Variants in ANXA13 observed in about 807,000 individuals in gnomAD.
ANXA13 encodes annexin A13.
In ANXA13, 36 loss-of-function variants were observed where a neutral mutation model predicts 46.6. That is an observed-to-expected ratio of 0.77 (90% CI 0.59 to 1.02). The LOEUF (loss-of-function observed/expected upper bound fraction) is 1.02, where lower values mean the gene tolerates loss of function less well. Among genes scored for constraint, ANXA13 ranks in the 50% least tolerant of loss-of-function variants. ANXA13 has a pLI of 0.00. For synonymous variants in ANXA13, 163 were observed against 152.9 expected (o/e 1.07, Z -0.49); for missense variants, 417 against 396.5 (o/e 1.05, Z -0.44).
Position 123,695,568 on chromosome 8 carries a change from G to A in ANXA13, c.405C>T (p.Ser135=), listed in dbSNP as rs556868657. 36 of 1,613,790 alleles carry A rather than the reference G, an allele frequency of 2.2e-5. No individual in the cohort carries two copies. In the South Asian group the frequency reaches 3.1e-4, roughly 14 times the overall value. The change falls in exon 6 of 11, where the codon AGC becomes AGT. Residue 135 remains serine, a synonymous_variant. Transcript: ENST00000419625. ...TATCACCTTTGACATCTGATTCGAG[G>A]CTCCTATCAAATACTTCGAAGGAAG... is the stretch of plus-strand genomic sequence containing the variant. ...KEAYQRLFDR[S]LESDVKGDTS... is the part of the protein sequence containing the mutation.
At chr8:123,703,987 A>T (rs1406509179) in intron 2 of ANXA13, among the ~76,000 whole-genome samples, 1 of 152,184 alleles carries the variant, frequency 6.6e-6, no homozygotes, top group African/African-American at 2.4e-5. Flanking sequence ...ACATTGGGCA[A>T]GTGATTTTTC....
intron 9 of ANXA13, among the ~76,000 whole-genome samples, chr8:123,686,085 A>G (rs1451505930): frequency 6.6e-6 from 1 of 152,110 alleles, no homozygotes; most frequent in African/African-American, 2.4e-5. Context: ...TCTCCTGTCT[A>G]TAATCTATGC....
chr8:123,692,010 C>A (rs757122579), intron 8 of ANXA13, among the ~76,000 whole-genome samples: 4 of 152,220 alleles, frequency 2.6e-5, no homozygotes, highest in Admixed American at 2.6e-4. Context: ...CAGGGGAGTG[C>A]AGGGTCAGCT....
intron 3 of ANXA13, among the ~76,000 whole-genome samples, chr8:123,700,691 C>T (rs1279618025): frequency 6.6e-6 from 1 of 152,076 alleles, no homozygotes; most frequent in African/African-American, 2.4e-5. Context: ...AGCATTGTAT[C>T]CGATTTTTCT....
intron 6 of ANXA13, among the ~76,000 whole-genome samples, chr8:123,694,146 G>A (rs888744523): frequency 2.6e-5 from 4 of 152,154 alleles, no homozygotes; most frequent in African/African-American, 9.7e-5. Context: ...AAAACCCTGA[G>A]AGCTGGTCAT....
At chr8:123,717,604 A>G (rs1429731027) in intron 1 of ANXA13, among the ~76,000 whole-genome samples, 1 of 152,230 alleles carries the variant, frequency 6.6e-6, no homozygotes, top group African/African-American at 2.4e-5. Flanking sequence ...TGGCCACTGA[A>G]AATATAATAG....
At position 123,681,271 on chromosome 8, in the gene ANXA13, A is replaced by AAGTCCCCGG; in HGVS notation, c.911_919dup (p.Ser304_Asp306dup). On this transcript the variant is annotated inframe_insertion, in exon 11 of 11. Coordinates refer to ENST00000419625, the MANE Select transcript of ANXA13 (RefSeq NM_004306.4). ...CAAGAGGGCTACTAGCAGTTTCCGG[A>AAGTCCCCGG]AGTCCCCGGAGGTATCTGAGCGAAC... 1 of 1,614,030 alleles carries AAGTCCCCGG rather than the reference A, an allele frequency of 6.2e-7. No homozygotes were observed. The highest frequency in any genetic ancestry group is 8.5e-7 in the Non-Finnish European group (1 of 1,179,944).
At chr8:123,701,267 T>A (rs1397388158) in intron 3 of ANXA13, among the ~76,000 whole-genome samples, 1 of 152,138 alleles carries the variant, frequency 6.6e-6, no homozygotes, top group Non-Finnish European at 1.5e-5. Context: ...GTCAGGAGTT[T>A]GAGACTAGCC....
intron 2 of ANXA13, among the ~76,000 whole-genome samples, chr8:123,708,029 C>T (rs374054593): frequency 6.6e-5 from 10 of 151,992 alleles, no homozygotes; most frequent in Admixed American, 2.0e-4. Context: ...CAGGTTGATC[C>T]GGGGGGTGTT....
At chr8:123,685,258 G>A (rs576720897) in intron 9 of ANXA13, among the ~76,000 whole-genome samples, 8 of 152,288 alleles carry the variant, frequency 5.3e-5, no homozygotes, top group East Asian at 1.9e-4. Flanking sequence ...TTTGCAATCC[G>A]GGATGTGGAC....
At chr8:123,685,065 G>A (rs759159979) in intron 9 of ANXA13, among the ~76,000 whole-genome samples, 4 of 152,210 alleles carry the variant, frequency 2.6e-5, no homozygotes, top group Non-Finnish European at 4.4e-5. Context: ...CTAGGGTTCT[G>A]AAGGGAAACA....
At chr8:123,683,845 C>G (rs1303527183) in intron 10 of ANXA13, among the ~76,000 whole-genome samples, 1 of 152,174 alleles carries the variant, frequency 6.6e-6, no homozygotes, top group Non-Finnish European at 1.5e-5. Context: ...CCTCGGCCTC[C>G]CAAAGTGCTG....
In ANXA13 at chr8:123,731,892, CA is replaced by C. The variant is rs1358968254; in HGVS notation, c.15+5427del. ...CCTGTCTCAAAACACAAAACAAAAACAAAAAACCCAGATGGTTCTAAAACCA... is the reference window on the plus strand; with the variant it reads ...CCTGTCTCAAAACACAAAACAAAAACAAAAACCCAGATGGTTCTAAAACCA... On this transcript the variant is annotated intron_variant, in intron 1 of 10. Coordinates refer to ENST00000419625, the MANE Select transcript of ANXA13 (RefSeq NM_004306.4). Among the ~76,000 whole-genome samples, 3 of 151,984 alleles carry C rather than the reference CA, an allele frequency of 2.0e-5. No individual in the cohort carries two copies. In the East Asian group the frequency reaches 5.8e-4, roughly 29 times the overall value.
chr8:123,720,657 C>CAT (rs370065287), intron 1 of ANXA13, among the ~76,000 whole-genome samples: 4 of 141,436 alleles, frequency 2.8e-5, no homozygotes, highest in Non-Finnish European at 6.1e-5. Context: ...CCTGTGTCCC[C>CAT]GTGTGTGTGT....
At chr8:123,693,448 A>G in intron 7 of ANXA13, 150 bp from the exon 8 acceptor site, 1 of 731,210 alleles carries the variant, frequency 1.4e-6, no homozygotes, top group South Asian at 1.8e-5. Flanking sequence ...CTAACCCACA[A>G]ATGTATTTCA....
chr8:123,715,499 C>A (rs1449187975), intron 1 of ANXA13, among the ~76,000 whole-genome samples: 1 of 152,216 alleles, frequency 6.6e-6, no homozygotes, highest in Non-Finnish European at 1.5e-5. Flanking sequence ...GTCCTGTTAG[C>A]CTCATCAGTG....
At chr8:123,694,689 C>T (rs1813298164) in intron 6 of ANXA13, among the ~76,000 whole-genome samples, 2 of 152,216 alleles carry the variant, frequency 1.3e-5, no homozygotes, top group Non-Finnish European at 2.9e-5. Flanking sequence ...TGTTGATAAC[C>T]TGACCAAAGG....
chr8:123,694,558 G>A (rs1437168841), intron 6 of ANXA13, among the ~76,000 whole-genome samples: 3 of 152,184 alleles, frequency 2.0e-5, no homozygotes, highest in African/African-American at 4.8e-5. Context: ...TCAACAGCAA[G>A]AAAATGGGGA....
chr8:123,693,669 T>TA (rs1353756553), intron 7 of ANXA13, 42 bp downstream of exon 7: 2 of 1,539,474 alleles, frequency 1.3e-6, no homozygotes, highest in African/African-American at 1.4e-5. Flanking sequence ...CTAATAAATT[T>TA]AAAAAAAGAA....
Sources: gnomAD v4.1 joint callset for allele counts (sites outside exome capture counted in the v4.1 genomes callset) on GRCh38, gnomAD v4.1.1 for gene constraint, MANE v1.5 for transcripts, NCBI Gene and HGNC (gene_info 2026-07-23, HGNC 2026-07-21) for gene names.